Variants in GPRC5C observed in about 807,000 individuals in gnomAD.
GPRC5C encodes the protein G protein-coupled receptor family C group 5 member C.
GPRC5C carries 22 observed loss-of-function variants against 31.4 expected under a neutral mutation model. The ratio of observed to expected loss-of-function variants is 0.70; its 90% CI spans 0.50 to 1.00. The LOEUF (loss-of-function observed/expected upper bound fraction) is 1.00. Among genes scored for constraint, GPRC5C ranks in the 50% least tolerant of loss-of-function variants. GPRC5C has a pLI of 0.00. For synonymous variants in GPRC5C, 249 were observed against 257.5 expected (o/e 0.97, Z 0.32); for missense variants, 557 against 597.2 (o/e 0.93, Z 0.70).
Position 74,440,239 on chromosome 17 carries a change from G to A in GPRC5C, c.463G>A (p.Val155Met), listed in dbSNP as rs772324935. The change falls in exon 2 of 4, where the codon GTG becomes ATG. Residue 155 changes from valine (V) to methionine (M), a missense_variant. By Grantham distance (21) the Val-to-Met change is conservative (BLOSUM62 1). Transcript: ENST00000392627. This position sits in a 1 kb window ranked among gnomAD's most constrained non-coding sequence, Gnocchi z 4.4. ...GAAGAACCACGGGCCCCGGGGCTGG[G>A]TGATCTTCACTGTGGCTCTGCTGCT... ...ARKNHGPRGWVIFTVALLLTL... is the reference protein window; with the variant it reads ...ARKNHGPRGWMIFTVALLLTL... 8.1e-6 allele frequency: 13 copies of A among 1,614,104 alleles called. No homozygotes were observed. The highest frequency in any genetic ancestry group is 1.1e-5 in the Non-Finnish European group (13 of 1,180,042).
At chr17:74,448,887 C>T (rs2055681176), downstream of GPRC5C, 1 of 1,289,848 alleles carries the variant, frequency 7.8e-7, no homozygotes, top group Non-Finnish European at 1.0e-6. Flanking sequence ...CTCTGACGTC[C>T]AGCAGCCTCT....
At chr17:74,434,761 A>G (rs1022863042) in intron 1 of GPRC5C, among the ~76,000 whole-genome samples, 1 of 152,150 alleles carries the variant, frequency 6.6e-6, no homozygotes, top group African/African-American at 2.4e-5. Context: ...TGTCTCTACT[A>G]AAAATACAAA....
intron 1 of GPRC5C, among the ~76,000 whole-genome samples, chr17:74,437,268 C>T (rs72852293): frequency 0.021 from 3,159 of 152,230 alleles, 56 homozygotes; most frequent in Admixed American, 0.035. Flanking sequence ...ACTCCTCTTT[C>T]CAGCACTTGT....
At chr17:74,436,688 G>C (rs1395411517) in intron 1 of GPRC5C, among the ~76,000 whole-genome samples, 1 of 152,174 alleles carries the variant, frequency 6.6e-6, no homozygotes, top group African/African-American at 2.4e-5. Context: ...GTAATTGCCT[G>C]TTCTAAACTG....
chr17:74,447,904 A>G (rs780515649), downstream of GPRC5C, among the ~76,000 whole-genome samples: 1 of 152,270 alleles, frequency 6.6e-6, no homozygotes, highest in Non-Finnish European at 1.5e-5. Flanking sequence ...ACCGTGTGAT[A>G]CGTGCAAAGG....
Position 74,440,364 on chromosome 17 carries a change from G to A in GPRC5C, c.588G>A (p.Trp196Ter). 1 of 1,614,102 alleles carries A rather than the reference G, an allele frequency of 6.2e-7. No homozygotes were observed. Among genetic ancestry groups the A allele is most frequent in the Non-Finnish European group, 8.5e-7 (1 of 1,180,018 alleles). ...CTCAGGGCAACAGCAGCGCAGGCTG[G>A]GCCGTGGCCTCCCCCTGTGCCATCG... ...GGPQGNSSAG[W>*]AVASPCAIAN... Residue 196 changes from tryptophan (W) to a stop codon, truncating the protein, a stop_gained, in exon 2 of 4, where the codon TGG becomes TGA. Coordinates refer to ENST00000392627, the MANE Select transcript of GPRC5C (RefSeq NM_022036.4). LOFTEE classifies it high-confidence loss of function. The surrounding 1 kb of genome is among the most constrained non-coding windows in gnomAD (Gnocchi z 4.4).
chr17:74,444,708 C>T (rs7208253), intron 3 of GPRC5C, among the ~76,000 whole-genome samples: 94,032 of 152,026 alleles, frequency 0.62, 34,335 homozygotes, highest in Non-Finnish European at 0.79. Context: ...GAACCTGAGC[C>T]TGGGCAGAGG....
rs113620384 is a variant in GPRC5C, at chr17:74,432,891, G to C, written c.-33+750G>C. Among the ~76,000 whole-genome samples, 1,249 of 152,128 alleles carry C rather than the reference G, an allele frequency of 8.2e-3. 26 individuals are homozygous for C. The highest frequency in any genetic ancestry group is 0.075 in the East Asian group (385 of 5,146). Reference sequence around the variant, plus strand: ...TTTCTGTGGCCCTAAAAATGGGAGAGAGTGACTGGTTCCCTTGCTCCCCAT... The same window carrying C: ...TTTCTGTGGCCCTAAAAATGGGAGACAGTGACTGGTTCCCTTGCTCCCCAT... On this transcript the variant is annotated intron_variant, in intron 1 of 3. Transcript: ENST00000392627.
At chr17:74,433,574 C>T (rs1313449926) in intron 1 of GPRC5C, 37 of 767,410 alleles carry the variant, frequency 4.8e-5, no homozygotes, top group Non-Finnish European at 1.8e-5. Flanking sequence ...TGGGACCTAA[C>T]CAGGGACTGG....
Position 74,440,973 on chromosome 17 carries a change from T to A in GPRC5C, c.1051+146T>A. ...CTAAGTGTCTCTAAATTCCATTTAA[T>A]TTAAAGATTTTTTTTTTTCAGTTGG... On this transcript the variant is annotated intron_variant, in intron 2 of 3. Transcript: ENST00000392627. The surrounding 1 kb of genome is among the most constrained non-coding windows in gnomAD (Gnocchi z 4.4). 1.6e-6 allele frequency: 1 copy of A among 633,090 alleles called. No homozygotes were observed. Among genetic ancestry groups the A allele is most frequent in the Non-Finnish European group, 2.2e-6 (1 of 448,508 alleles). 39.2% of individuals were successfully genotyped at this position (633,090 alleles called of 1,614,324 possible). A position where few individuals can be genotyped will look rare whatever the true frequency, so the allele number is the denominator to read the frequency against.
At chr17:74,434,123 C>T (rs1461046166) in intron 1 of GPRC5C, among the ~76,000 whole-genome samples, 2 of 152,122 alleles carry the variant, frequency 1.3e-5, no homozygotes, top group Admixed American at 6.5e-5. Flanking sequence ...AGGCCGATTT[C>T]GGAGGCGATT....
chr17:74,447,360 C>A lies in GPRC5C; in HGVS notation c.*332C>A. The A allele has an allele frequency of 9.3e-7, 1 of 1,070,524 alleles. No individual in the cohort carries two copies. The highest frequency in any genetic ancestry group is 1.1e-6 in the Non-Finnish European group (1 of 883,374). 66.3% of individuals were successfully genotyped at this position (1,070,524 alleles called of 1,614,324 possible). A position where few individuals can be genotyped will look rare whatever the true frequency, so the allele number is the denominator to read the frequency against. On this transcript the variant is annotated 3_prime_UTR_variant, in exon 4 of 4. Coordinates refer to ENST00000392627, the MANE Select transcript of GPRC5C (RefSeq NM_022036.4). ...CTGCAACCTCAAGAGACTTCCCAGGCGCTCAGGCCTGGATCTTGCTCCTCT... is the reference window on the plus strand; with the variant it reads ...CTGCAACCTCAAGAGACTTCCCAGGAGCTCAGGCCTGGATCTTGCTCCTCT...
At chr17:74,442,362 G>C (rs1275729476) in intron 2 of GPRC5C, among the ~76,000 whole-genome samples, 1 of 152,170 alleles carries the variant, frequency 6.6e-6, no homozygotes, top group Admixed American at 6.5e-5. Context: ...CAGCGCCCTT[G>C]TTAGCTGTAC....
chr17:74,443,879 G>C lies in GPRC5C; in HGVS notation c.1113G>C (p.Gln371His). The stretch of plus-strand genomic sequence containing the variant: ...GGCAGCTGCTGACCAGTGTGTACCA[G>C]CCCACTGAGATGGCCCTGATGCACA... Reference protein sequence around the residue: ...YNGQLLTSVYQPTEMALMHKV... With the variant: ...YNGQLLTSVYHPTEMALMHKV... Residue 371 changes from glutamine (Q) to histidine (H), a missense_variant, in exon 3 of 4, where the codon CAG becomes CAC. Gln to His is a conservative substitution (Grantham distance 24, BLOSUM62 0). Transcript: ENST00000392627. 6.2e-7 allele frequency: 1 copy of C among 1,613,216 alleles called. No individual in the cohort carries two copies. The highest frequency in any genetic ancestry group is 8.5e-7 in the Non-Finnish European group (1 of 1,179,248).
In GPRC5C at chr17:74,440,569, T is replaced by C. The variant is rs1345356036; in HGVS notation, c.793T>C (p.Tyr265His). Residue 265 changes from tyrosine to histidine, a missense_variant, in exon 2 of 4, where the codon TAC becomes CAC. Transcript: ENST00000392627. The surrounding 1 kb of genome is among the most constrained non-coding windows in gnomAD (Gnocchi z 4.4). ...GGTGGTGTGGATCGTCATGTATACT[T>C]ACGGCAACAAGCAGCACAACAGTCC... ...IWVVWIVMYT[Y>H]GNKQHNSPTW... The C allele has an allele frequency of 6.2e-7, 1 of 1,614,076 alleles. No individual in the cohort carries two copies. The highest frequency in any genetic ancestry group is 1.7e-5 in the Admixed American group (1 of 60,024).
chr17:74,440,505 C>A lies in GPRC5C; in HGVS notation c.729C>A (p.Val243=), dbSNP rs781346447. ...ACAAGCGCTGGCGTAAGCATGGGGTCTTTGTGCTCCTCACCACAGCCACCT... is the reference window on the plus strand; with the variant it reads ...ACAAGCGCTGGCGTAAGCATGGGGTATTTGTGCTCCTCACCACAGCCACCT... ...GRYKRWRKHG[V]FVLLTTATSV... Residue 243 remains valine, a synonymous_variant, in exon 2 of 4, where the codon GTC becomes GTA. Coordinates refer to ENST00000392627, the MANE Select transcript of GPRC5C (RefSeq NM_022036.4). This position sits in a 1 kb window ranked among gnomAD's most constrained non-coding sequence, Gnocchi z 4.4. The A allele has an allele frequency of 6.2e-7, 1 of 1,614,168 alleles. No homozygotes were observed. The highest frequency in any genetic ancestry group is 8.5e-7 in the Non-Finnish European group (1 of 1,180,040).
intron 2 of GPRC5C, 132 bp from the exon 3 acceptor site, chr17:74,443,686 G>A (rs2055580498): frequency 3.8e-6 from 3 of 790,060 alleles, no homozygotes; most frequent in Non-Finnish European, 6.7e-6. Context: ...TCCTGGGTTA[G>A]AGACTATGCC....
At chr17:74,443,618 G>A (rs953388661) in intron 2 of GPRC5C, 200 bp from the exon 3 acceptor site, 1 of 694,584 alleles carries the variant, frequency 1.4e-6, no homozygotes, top group Non-Finnish European at 2.6e-6. Flanking sequence ...CTGTACAAAG[G>A]GGTGCTAGGC....
At position 74,447,272 on chromosome 17, in the gene GPRC5C, A is replaced by C; in HGVS notation, c.*244A>C. On this transcript the variant is annotated 3_prime_UTR_variant, in exon 4 of 4. Coordinates refer to ENST00000392627, the MANE Select transcript of GPRC5C (RefSeq NM_022036.4). ...CTGCCAGGATCACCTCGGCGGTCAC[A>C]CTCCAGCCAAATAGTGTTCTCGGGG... The C allele has an allele frequency of 7.9e-7, 1 of 1,258,014 alleles. No homozygotes were observed. The highest frequency in any genetic ancestry group is 1.0e-6 in the Non-Finnish European group (1 of 998,482). The allele number at this position is 1,258,014 out of a possible 1,614,324, so 77.9% of individuals were successfully genotyped here.
Sources: allele counts gnomAD v4.1 joint callset (sites outside exome capture counted in the v4.1 genomes callset), GRCh38; gene constraint gnomAD v4.1.1; non-coding constraint Gnocchi (gnomAD v3.1); transcripts MANE v1.5; gene names NCBI Gene and HGNC (gene_info 2026-07-23, HGNC 2026-07-21).